PLSCR4: variants seen among roughly 807,000 people sequenced by gnomAD.
PLSCR4 encodes phospholipid scramblase 4.
A neutral mutation model predicts 36.3 loss-of-function variants in PLSCR4; 25 were observed. The ratio of observed to expected loss-of-function variants is 0.69; its 90% CI spans 0.50 to 0.96. The LOEUF (loss-of-function observed/expected upper bound fraction) is 0.96. Among genes scored for constraint, PLSCR4 ranks in the 40% least tolerant of loss-of-function variants. The pLI is 0.00. For synonymous variants in PLSCR4, 122 were observed against 132.9 expected (o/e 0.92, Z 0.56); for missense variants, 408 against 414.7 (o/e 0.98, Z 0.14).
intron 1 of PLSCR4, among the ~76,000 whole-genome samples, chr3:146,222,745 C>A (rs1327989622): frequency 6.6e-6 from 1 of 152,128 alleles, no homozygotes; most frequent in Admixed American, 6.5e-5. Flanking sequence ...ACTGGGAAGT[C>A]TGGAGGATTC....
intron 3 of PLSCR4, among the ~76,000 whole-genome samples, chr3:146,208,852 G>GCTAAAACTAA (rs1467816519): frequency 2.0e-5 from 3 of 152,074 alleles, no homozygotes; most frequent in African/African-American, 7.2e-5. Context: ...AAACAGTGTG[G>GCTAAAACTAA]AGATTCCTTA....
In PLSCR4 at chr3:146,206,723, G is replaced by A. The variant is rs1249328005; in HGVS notation, c.157C>T (p.Pro53Ser). Residue 53 changes from proline to serine, a missense_variant, in exon 4 of 9, where the codon CCA (proline) becomes TCA (serine). Physicochemically the swap from Pro to Ser is moderately conservative, Grantham distance 74. Coordinates refer to ENST00000354952, the MANE Select transcript of PLSCR4 (RefSeq NM_020353.3). Reference protein sequence around the residue: ...GTAVPPPTGYPGGLPMGYYSP... With the variant: ...GTAVPPPTGYSGGLPMGYYSP... The stretch of plus-strand genomic sequence containing the variant: ...TAGTATCCCATAGGCAAGCCTCCTG[G>A]GTAGCCAGTAGGTGGAGGGACAGCT... 6.2e-7 allele frequency: 1 copy of A among 1,605,826 alleles called. No individual in the cohort carries two copies. Among genetic ancestry groups the A allele is most frequent in the Non-Finnish European group, 8.5e-7 (1 of 1,175,534 alleles).
At chr3:146,227,021 A>G (rs2035507634) in intron 1 of PLSCR4, among the ~76,000 whole-genome samples, 1 of 152,154 alleles carries the variant, frequency 6.6e-6, no homozygotes, top group African/African-American at 2.4e-5. Context: ...TAGCCAAAAT[A>G]TTGTGCAAGG....
intron 1 of PLSCR4, among the ~76,000 whole-genome samples, chr3:146,229,576 T>G (rs2035612532): frequency 2.7e-5 from 2 of 74,276 alleles, no homozygotes; most frequent in East Asian, 3.3e-4. Context: ...GTCCTGATTT[T>G]TATCATTTTA....
chr3:146,250,085 TG>T (rs772643758), intron 1 of PLSCR4, among the ~76,000 whole-genome samples: 13 of 152,298 alleles, frequency 8.5e-5, no homozygotes, highest in South Asian at 2.1e-4. Context: ...CCCTACCTGT[TG>T]TCACTCGCCC....
At chr3:146,222,949 G>A (rs979095573) in intron 1 of PLSCR4, among the ~76,000 whole-genome samples, 1 of 152,084 alleles carries the variant, frequency 6.6e-6, no homozygotes, top group African/African-American at 2.4e-5. Context: ...GTCGCTGATG[G>A]ACTAAGGTAA....
intron 3 of PLSCR4, among the ~76,000 whole-genome samples, chr3:146,217,187 G>A (rs974330734): frequency 2.0e-5 from 3 of 152,188 alleles, no homozygotes; most frequent in South Asian, 2.1e-4. Context: ...TGGTTGTCAC[G>A]AAGCAAGTAA....
At chr3:146,225,736 C>T (rs1358708548) in intron 1 of PLSCR4, among the ~76,000 whole-genome samples, 4 of 152,160 alleles carry the variant, frequency 2.6e-5, no homozygotes, top group Non-Finnish European at 4.4e-5. Flanking sequence ...GTGTGGGGCC[C>T]GCCAAGCCGA....
intron 1 of PLSCR4, among the ~76,000 whole-genome samples, chr3:146,244,727 A>C (rs1559930651): frequency 6.6e-6 from 1 of 152,130 alleles, no homozygotes. Context: ...TATTGAAATT[A>C]GGCCAATTAA....
chr3:146,196,655 A>G lies in PLSCR4; in HGVS notation c.763T>C (p.Cys255Arg), dbSNP rs750989982. 1.2e-6 allele frequency: 2 copies of G among 1,613,964 alleles called. No individual in the cohort carries two copies. Among genetic ancestry groups the G allele is most frequent in the South Asian group, 2.2e-5 (2 of 91,082 alleles). The change falls in exon 7 of 9, where the codon TGT (cysteine) becomes CGT (arginine). Residue 255 changes from cysteine to arginine, a missense_variant. Transcript: ENST00000354952. Reference protein sequence around the residue: ...RVRGPCSTYGCGSDSVFEVKS... With the variant: ...RVRGPCSTYGRGSDSVFEVKS... ...ACCTCAAAAACAGAATCTGAACCAC[A>G]GCCATAGGTTGAGCATGGCCCACGA...
In PLSCR4 at chr3:146,206,659, G is replaced by A. The variant is rs1008746172; in HGVS notation, c.221C>T (p.Pro74Leu). ...QQPSTFPLYQ[P>L]VGGIHPVRYQ... ...CCGGACAGGATGGATACCACCAACTGGCTGGTACAAAGGGAAGGTACTGGG... is the reference window on the plus strand; with the variant it reads ...CCGGACAGGATGGATACCACCAACTAGCTGGTACAAAGGGAAGGTACTGGG... Residue 74 changes from proline (P) to leucine (L), a missense_variant, in exon 4 of 9, where the codon CCA (proline) becomes CTA (leucine). By Grantham distance (98) the Pro-to-Leu change is moderately conservative. Transcript: ENST00000354952. 2.5e-6 allele frequency: 4 copies of A among 1,613,252 alleles called. No individual in the cohort carries two copies. The highest frequency in any genetic ancestry group is 1.3e-5 in the African/African-American group (1 of 74,866).
chr3:146,196,592 T>C, intron 7 of PLSCR4, 40 bp downstream of exon 7: 1 of 1,591,944 alleles, frequency 6.3e-7, no homozygotes, highest in Non-Finnish European at 8.6e-7. Flanking sequence ...TTAATATGAG[T>C]AGGAAAAATA....
chr3:146,229,000 G>C (rs2035587109), intron 1 of PLSCR4, among the ~76,000 whole-genome samples: 1 of 152,046 alleles, frequency 6.6e-6, no homozygotes, highest in Non-Finnish European at 1.5e-5. Flanking sequence ...TTAAAAAGAG[G>C]TATCTACTAG....
chr3:146,222,335 G>A (rs1355265298), intron 1 of PLSCR4: 1 of 244,732 alleles, frequency 4.1e-6, no homozygotes, highest in African/African-American at 2.2e-5. Context: ...AGTTTATATT[G>A]TAGTAGAATG....
At chr3:146,221,530 A>C (rs2108292553) in intron 2 of PLSCR4, among the ~76,000 whole-genome samples, 1 of 152,272 alleles carries the variant, frequency 6.6e-6, no homozygotes, top group Non-Finnish European at 1.5e-5. Flanking sequence ...ATGATGTTGT[A>C]CCTTGTCTTC....
chr3:146,234,814 C>T (rs192165995), intron 1 of PLSCR4, among the ~76,000 whole-genome samples: 31 of 152,218 alleles, frequency 2.0e-4, no homozygotes, highest in African/African-American at 6.5e-4. Flanking sequence ...CTAACAAAGA[C>T]TTTAAAACTG....
At chr3:146,239,518 A>G (rs1156845293) in intron 1 of PLSCR4, among the ~76,000 whole-genome samples, 2 of 58,368 alleles carry the variant, frequency 3.4e-5, no homozygotes, top group African/African-American at 1.1e-4. Flanking sequence ...ACATCCACAT[A>G]CAAAAAAAAA....
intron 1 of PLSCR4, among the ~76,000 whole-genome samples, chr3:146,242,973 C>T (rs558170565): frequency 2.0e-4 from 31 of 152,258 alleles, no homozygotes; most frequent in African/African-American, 6.5e-4. Context: ...ACTATTTCTC[C>T]ACCAGAGAAA....
chr3:146,249,376 C>T (rs2036463488), intron 1 of PLSCR4, among the ~76,000 whole-genome samples: 1 of 152,052 alleles, frequency 6.6e-6, no homozygotes, highest in Middle Eastern at 3.2e-3. Flanking sequence ...CAAATTCCTG[C>T]TTGTCCAAGT....
Sources: allele counts gnomAD v4.1 joint callset (sites outside exome capture counted in the v4.1 genomes callset), GRCh38; gene constraint gnomAD v4.1.1; transcripts MANE v1.5; gene names NCBI Gene and HGNC (gene_info 2026-07-23, HGNC 2026-07-21).